KIRREL3: variants seen among roughly 807,000 people sequenced by gnomAD.
KIRREL3 encodes the protein kirre like nephrin family adhesion molecule 3.
KIRREL3 carries 36 observed loss-of-function variants against 89.7 expected under a neutral mutation model. The observed-to-expected ratio is 0.40, with a 90% confidence interval of 0.31 to 0.53. The LOEUF (loss-of-function observed/expected upper bound fraction) is 0.53. Among genes scored for constraint, KIRREL3 ranks in the 20% least tolerant of loss-of-function variants. The pLI is 0.49. For synonymous variants in KIRREL3, 445 were observed against 441.4 expected (o/e 1.01, Z -0.10); for missense variants, 864 against 1,056.6 (o/e 0.82, Z 2.53).
At chr11:126,922,759 A>G (rs1332645969) in intron 1 of KIRREL3, among the ~76,000 whole-genome samples, 1 of 151,926 alleles carries the variant, frequency 6.6e-6, no homozygotes, top group Non-Finnish European at 1.5e-5. Flanking sequence ...CCTTCACTCC[A>G]CTTTCCTCTG....
intron 7 of KIRREL3, among the ~76,000 whole-genome samples, chr11:126,451,584 G>GCA (rs200069386): frequency 6.7e-6 from 1 of 149,790 alleles, no homozygotes; most frequent in Admixed American, 6.7e-5. Flanking sequence ...GTGTGTGTGC[G>GCA]TGTGTGTACA....
intron 11 of KIRREL3, among the ~76,000 whole-genome samples, chr11:126,438,079 G>A (rs1351048510): frequency 6.6e-6 from 1 of 152,250 alleles, no homozygotes; most frequent in African/African-American, 2.4e-5. Context: ...GGCCTGGGGA[G>A]CATCTTTCTG....
chr11:126,637,216 T>C (rs1298096455), intron 1 of KIRREL3, among the ~76,000 whole-genome samples: 3 of 152,236 alleles, frequency 2.0e-5, no homozygotes, highest in African/African-American at 7.2e-5. Context: ...ACTTCCTCAC[T>C]GGTATGCTGA....
rs1945067462 is a variant in KIRREL3, at chr11:126,870,352, G to T, written c.55+130103C>A. On this transcript the variant is annotated intron_variant, in intron 1 of 16. Coordinates refer to ENST00000525144, the MANE Select transcript of KIRREL3 (RefSeq NM_032531.4). The surrounding 1 kb of genome is among the most constrained non-coding windows in gnomAD (Gnocchi z 4.4). ...GAAAGGCAGTGCAGGAGCCAGGCTGGATTCCAATGCTGTGGCTGGCTGGAG... is the reference window on the plus strand; with the variant it reads ...GAAAGGCAGTGCAGGAGCCAGGCTGTATTCCAATGCTGTGGCTGGCTGGAG... Among the ~76,000 whole-genome samples the T allele has an allele frequency of 6.6e-6, 1 of 152,230 alleles. No homozygotes were observed. The highest frequency in any genetic ancestry group is 6.5e-5 in the Admixed American group (1 of 15,290).
At chr11:126,809,552 A>C (rs1380895120) in intron 1 of KIRREL3, among the ~76,000 whole-genome samples, 1 of 152,212 alleles carries the variant, frequency 6.6e-6, no homozygotes, top group African/African-American at 2.4e-5. Context: ...GAACAAATTA[A>C]ATATTCTCAT....
Position 126,876,590 on chromosome 11 carries a change from T to G in KIRREL3, c.55+123865A>C, listed in dbSNP as rs1481041905. 6.7e-6 allele frequency among the ~76,000 whole-genome samples: 1 copy of G among 148,352 alleles called. No homozygotes were observed. The highest frequency in any genetic ancestry group is 1.5e-5 in the Non-Finnish European group (1 of 67,618). ...TCTTGCTCTGTCACCCAGGCTGGAG[T>G]GCAGCGGTGCGACCTTGGCCCACTG... On this transcript the variant is annotated intron_variant, in intron 1 of 16. Transcript: ENST00000525144. The surrounding 1 kb of genome is among the most constrained non-coding windows in gnomAD (Gnocchi z 4.1).
chr11:126,615,764 A>G lies in KIRREL3; in HGVS notation c.56-52852T>C, dbSNP rs935423978. Among the ~76,000 whole-genome samples the G allele has an allele frequency of 6.6e-6, 1 of 152,206 alleles. No individual in the cohort carries two copies. The highest frequency in any genetic ancestry group is 1.5e-5 in the Non-Finnish European group (1 of 68,022). Reference sequence around the variant, plus strand: ...AGGTGTTGGCCCGGTCCAGAGGCAGAGCCTTACTACCTTTGGCTACATAGG... The same window carrying G: ...AGGTGTTGGCCCGGTCCAGAGGCAGGGCCTTACTACCTTTGGCTACATAGG... On this transcript the variant is annotated intron_variant, in intron 1 of 16. Transcript: ENST00000525144. The surrounding 1 kb of genome is among the most constrained non-coding windows in gnomAD (Gnocchi z 5.4).
Position 126,446,841 on chromosome 11 carries a change from A to G in KIRREL3, c.1043T>C (p.Leu348Pro). 3.1e-6 allele frequency: 5 copies of G among 1,603,224 alleles called. No homozygotes were observed. The highest frequency in any genetic ancestry group is 4.3e-6 in the Non-Finnish European group (5 of 1,175,046). The change falls in exon 9 of 17, where the codon CTG (leucine) becomes CCG (proline). Residue 348 changes from leucine to proline, a missense_variant. Leu to Pro is a moderately conservative substitution (Grantham distance 98). Coordinates refer to ENST00000525144, the MANE Select transcript of KIRREL3 (RefSeq NM_032531.4). ...GCAGCTGAAGATGGCATCAGAGCCC[A>G]GATCCACGAGCAAGGATTGGGGTTC... Reference protein sequence around the residue: ...TTEPQSLLVDLGSDAIFSCAW... With the variant: ...TTEPQSLLVDPGSDAIFSCAW...
chr11:126,700,166 C>T (rs185106466), intron 1 of KIRREL3, among the ~76,000 whole-genome samples: 3 of 148,600 alleles, frequency 2.0e-5, no homozygotes, highest in East Asian at 2.0e-4. Flanking sequence ...TGCAGCTCAG[C>T]CTAGGAGACA....
chr11:126,678,599 CAAAAAAAAA>C (rs59342253), intron 1 of KIRREL3, among the ~76,000 whole-genome samples: 41 of 50,046 alleles, frequency 8.2e-4, no homozygotes, highest in African/African-American at 3.0e-3. Context: ...GACTCTGTCT[CAAAAAAAAA>C]AAAAAAAAAA....
rs1360165999 is a variant in KIRREL3 at position 126,940,294 on chromosome 11, A to T, written c.55+60161T>A. ...AATATATCCTTTTTTTCTAGATTGG[A>T]AAAACAATAGTTGTTTCTTTTTTCT... On this transcript the variant is annotated intron_variant, in intron 1 of 16. Transcript: ENST00000525144. This position sits in a 1 kb window ranked among gnomAD's most constrained non-coding sequence, Gnocchi z 4.6. Among the ~76,000 whole-genome samples the T allele has an allele frequency of 2.0e-5, 3 of 152,204 alleles. No homozygotes were observed. Among genetic ancestry groups the T allele is most frequent in the South Asian group, 4.1e-4 (2 of 4,820 alleles).
At position 126,568,379 on chromosome 11, in the gene KIRREL3, C is replaced by T. The variant is rs1488521248; in HGVS notation, c.56-5467G>A. Among the ~76,000 whole-genome samples, 1 of 152,246 alleles carries T rather than the reference C, an allele frequency of 6.6e-6. No homozygotes were observed. The highest frequency in any genetic ancestry group is 2.4e-5 in the African/African-American group (1 of 41,474). The stretch of plus-strand genomic sequence containing the variant: ...GGAGATGGTGGGCTTGCATCTGCTG[C>T]TTCTTCCTGCTCTCTGAAGATGGCC... On this transcript the variant is annotated intron_variant, in intron 1 of 16. Coordinates refer to ENST00000525144, the MANE Select transcript of KIRREL3 (RefSeq NM_032531.4). The surrounding 1 kb of genome is among the most constrained non-coding windows in gnomAD (Gnocchi z 4.6).
intron 1 of KIRREL3, among the ~76,000 whole-genome samples, chr11:126,732,900 G>A (rs1190215924): frequency 6.6e-6 from 1 of 152,228 alleles, no homozygotes; most frequent in Non-Finnish European, 1.5e-5. Flanking sequence ...TAATGCTTAA[G>A]TGTCTTGTTT....
intron 1 of KIRREL3, among the ~76,000 whole-genome samples, chr11:126,759,398 G>A (rs974992609): frequency 6.6e-6 from 1 of 152,218 alleles, no homozygotes; most frequent in Non-Finnish European, 1.5e-5. Context: ...AAAGTGCTGG[G>A]ATTACAGGCA....
At position 126,724,416 on chromosome 11, in the gene KIRREL3, AGATGCAGAGT is replaced by A. The variant is rs1341872849; in HGVS notation, c.56-161514_56-161505del. On this transcript the variant is annotated intron_variant, in intron 1 of 16. Transcript: ENST00000525144. This position sits in a 1 kb window ranked among gnomAD's most constrained non-coding sequence, Gnocchi z 4.3. ...TCATAGCTTGTATCTCTTATGGACA[AGATGCAGAGT>A]GAGTGAGCCAGCAGATGGACACCCT... is the stretch of plus-strand genomic sequence containing the variant. Among the ~76,000 whole-genome samples, 1 of 152,194 alleles carries A rather than the reference AGATGCAGAGT, an allele frequency of 6.6e-6. No individual in the cohort carries two copies. The highest frequency in any genetic ancestry group is 1.5e-5 in the Non-Finnish European group (1 of 68,030).
rs142584672 is a variant in KIRREL3, at chr11:126,641,622, A to G, written c.56-78710T>C. On this transcript the variant is annotated intron_variant, in intron 1 of 16. Transcript: ENST00000525144. This position sits in a 1 kb window ranked among gnomAD's most constrained non-coding sequence, Gnocchi z 5.0. Reference sequence around the variant, plus strand: ...TACAACACCAGCCTCCTGGCTTCTTATGGGGATAGTGGCTGCATCATGTCC... The same window carrying G: ...TACAACACCAGCCTCCTGGCTTCTTGTGGGGATAGTGGCTGCATCATGTCC... Among the ~76,000 whole-genome samples the G allele has an allele frequency of 7.2e-5, 11 of 152,112 alleles. No individual in the cohort carries two copies. Among genetic ancestry groups the G allele is most frequent in the African/African-American group, 2.7e-4 (11 of 41,488 alleles).
intron 1 of KIRREL3, among the ~76,000 whole-genome samples, chr11:126,792,037 T>A (rs1458908956): frequency 6.6e-6 from 1 of 152,098 alleles, no homozygotes; most frequent in East Asian, 1.9e-4. Flanking sequence ...AACCCCAGCC[T>A]CCCTTTTGGG....
In KIRREL3 at chr11:126,483,984, G is replaced by A. The variant is rs112850605; in HGVS notation, c.434-10518C>T. 1.5e-3 allele frequency among the ~76,000 whole-genome samples: 225 copies of A among 152,276 alleles called. 3 individuals carry two copies. The highest frequency in any genetic ancestry group is 5.2e-3 in the African/African-American group (218 of 41,550). ...TGCACTGCCATAAGACCATGTGCCC[G>A]CCTCAGCAGGTACATGTGGTGCCTG... On this transcript the variant is annotated intron_variant, in intron 4 of 16. Transcript: ENST00000525144.
rs765407525 is a variant in KIRREL3, at chr11:126,526,635, T to A, written c.186A>T (p.Gly62=). ...QQPQDQVVVS[G]QPVTLLCAIP... is the part of the protein sequence containing the mutation. ...TGGCGCAAAGTAGCGTCACTGGCTGTCCCGACACCACCACCTGGTCCTGGG... is the reference window on the plus strand; with the variant it reads ...TGGCGCAAAGTAGCGTCACTGGCTGACCCGACACCACCACCTGGTCCTGGG... The change falls in exon 3 of 17, where the codon GGA becomes GGT. Residue 62 remains glycine, a synonymous_variant. Transcript: ENST00000525144. The surrounding 1 kb of genome is among the most constrained non-coding windows in gnomAD (Gnocchi z 5.7). The A allele has an allele frequency of 3.1e-6, 5 of 1,590,798 alleles. No individual in the cohort carries two copies. Among genetic ancestry groups the A allele is most frequent in the Non-Finnish European group, 4.3e-6 (5 of 1,168,912 alleles).
Sources: gnomAD v4.1 joint callset for allele counts (sites outside exome capture counted in the v4.1 genomes callset) on GRCh38, gnomAD v4.1.1 for gene constraint, Gnocchi (gnomAD v3.1) non-coding constraint, MANE v1.5 for transcripts, NCBI Gene and HGNC (gene_info 2026-07-23, HGNC 2026-07-21) for gene names.